MAPK8IP3: variants seen among roughly 807,000 people sequenced by gnomAD.
The protein encoded by MAPK8IP3 is mitogen-activated protein kinase 8 interacting protein 3.
Under a neutral mutation model 157.8 loss-of-function variants are expected in MAPK8IP3, and 49 were observed. That is an observed-to-expected ratio of 0.31 (90% CI 0.25 to 0.39). MAPK8IP3 has a LOEUF of 0.39. Ranked by LOEUF, MAPK8IP3 falls within the 10% of genes least tolerant of loss-of-function variation. The probability of loss-of-function intolerance (pLI) is 1.00; values close to 1 mark genes in which losing one functional copy is unlikely to be tolerated. For missense variants in MAPK8IP3, 1,478 were observed against 1,889.4 expected (o/e 0.78, Z 4.04); for synonymous variants, 897 against 777.7 (o/e 1.15, Z -2.55).
intron 1 of MAPK8IP3, among the ~76,000 whole-genome samples, chr16:1,709,091 G>C (rs2037587367): frequency 6.6e-6 from 1 of 152,236 alleles, no homozygotes; most frequent in South Asian, 2.1e-4. Flanking sequence ...AGAAGGCTTA[G>C]TCAGAGATGG....
In MAPK8IP3 at chr16:1,765,058, A is replaced by T; in HGVS notation, c.2326A>T (p.Ile776Phe). 1 of 1,612,326 alleles carries T rather than the reference A, an allele frequency of 6.2e-7. No individual in the cohort carries two copies. Among genetic ancestry groups the T allele is most frequent in the Non-Finnish European group, 8.5e-7 (1 of 1,179,608 alleles). Residue 776 changes from isoleucine to phenylalanine, a missense_variant, in exon 20 of 32, where the codon ATC becomes TTC. Coordinates refer to ENST00000610761, the MANE Select transcript of MAPK8IP3 (RefSeq NM_001318852.2). Reference protein sequence around the residue: ...EMDATSSRVWILTSTLTTSKV... With the variant: ...EMDATSSRVWFLTSTLTTSKV... ...GGACGCCACCTCCAGCCGGGTGTGG[A>T]TCCTGACCAGCACCCTGACCACCAG...
chr16:1,753,424 C>G (rs1237396707), intron 8 of MAPK8IP3, among the ~76,000 whole-genome samples: 2 of 151,510 alleles, frequency 1.3e-5, no homozygotes, highest in Non-Finnish European at 2.9e-5. Context: ...ACCCAGCCCA[C>G]ATACCATTAT....
At chr16:1,722,691 C>G (rs2038606792) in intron 1 of MAPK8IP3, among the ~76,000 whole-genome samples, 1 of 151,806 alleles carries the variant, frequency 6.6e-6, no homozygotes, top group Non-Finnish European at 1.5e-5. Flanking sequence ...ATAGCAAGAC[C>G]CCATCTCAAA....
chr16:1,709,092 T>C (rs2037587558), intron 1 of MAPK8IP3, among the ~76,000 whole-genome samples: 1 of 152,184 alleles, frequency 6.6e-6, no homozygotes, highest in Non-Finnish European at 1.5e-5. Flanking sequence ...GAAGGCTTAG[T>C]CAGAGATGGG....
intron 1 of MAPK8IP3, among the ~76,000 whole-genome samples, chr16:1,716,834 G>A (rs111930477): frequency 2.0e-5 from 3 of 152,162 alleles, no homozygotes; most frequent in South Asian, 2.1e-4. Context: ...TGAGGCAGGC[G>A]GATCACGAGG....
At chr16:1,735,744 C>T (rs1180207999) in intron 4 of MAPK8IP3, among the ~76,000 whole-genome samples, 4 of 131,764 alleles carry the variant, frequency 3.0e-5, no homozygotes, top group Non-Finnish European at 3.1e-5. Context: ...AGAGTGTGAC[C>T]GTCCATGTGA....
At chr16:1,731,273 G>A (rs1596602978) in intron 4 of MAPK8IP3, among the ~76,000 whole-genome samples, 2 of 151,966 alleles carry the variant, frequency 1.3e-5, no homozygotes, top group Admixed American at 6.6e-5. Flanking sequence ...AGGTGGCAGC[G>A]AGCCAAGATT....
rs914327984 is a variant in MAPK8IP3, at chr16:1,724,776, G to A, written c.439+99G>A. ...TGGAGCGCCTTCCACACAAGGGGAC[G>A]AGAGGAAGCCCAGTGGGAGCCTCAG... On this transcript the variant is annotated intron_variant, in intron 2 of 31. Transcript: ENST00000610761. The surrounding 1 kb of genome is among the most constrained non-coding windows in gnomAD (Gnocchi z 4.1). 2.9e-5 allele frequency: 44 copies of A among 1,491,996 alleles called. No individual in the cohort carries two copies. The highest frequency in any genetic ancestry group is 2.4e-4 in the Admixed American group (12 of 49,276). The allele number at this position is 1,491,996 out of a possible 1,614,324, so 92.4% of individuals were successfully genotyped here. A position where few individuals can be genotyped will look rare whatever the true frequency, so the allele number is the denominator to read the frequency against.
intron 4 of MAPK8IP3, among the ~76,000 whole-genome samples, chr16:1,734,280 C>T (rs9931608): frequency 0.13 from 20,419 of 152,264 alleles, 1,692 homozygotes; most frequent in East Asian, 0.27. Context: ...TCCATGGGGG[C>T]GACAGAGGGG....
chr16:1,706,833 G>T lies in MAPK8IP3; in HGVS notation c.318+176G>T, dbSNP rs1318619008. Among the ~76,000 whole-genome samples the T allele has an allele frequency of 1.4e-5, 1 of 71,958 alleles. No homozygotes were observed. The highest frequency in any genetic ancestry group is 5.5e-5 in the African/African-American group (1 of 18,244). 47.2% of individuals were successfully genotyped at this position (71,958 alleles called of 152,430 possible). On this transcript the variant is annotated intron_variant, in intron 1 of 31. Transcript: ENST00000610761. This position sits in a 1 kb window ranked among gnomAD's most constrained non-coding sequence, Gnocchi z 5.1. ...CCTGGACCCCATATCCCCCGCCCCG[G>T]GACTTCCCCACCCCCTCTGCCCGCC... is the stretch of plus-strand genomic sequence containing the variant.
rs753150069 is a variant in MAPK8IP3, at chr16:1,724,657, C to T, written c.419C>T (p.Ala140Val). The T allele has an allele frequency of 6.2e-7, 1 of 1,613,314 alleles. No individual in the cohort carries two copies. Among genetic ancestry groups the T allele is most frequent in the East Asian group, 2.2e-5 (1 of 44,892 alleles). Residue 140 changes from alanine (A) to valine (V), a missense_variant, in exon 2 of 32, where the codon GCC (alanine) becomes GTC (valine). Ala to Val is a moderately conservative substitution (Grantham distance 64). This residue lies in a region of MAPK8IP3 where 65 missense variants were observed against 161.8 expected (regional missense o/e 0.40). Coordinates refer to ENST00000610761, the MANE Select transcript of MAPK8IP3 (RefSeq NM_001318852.2). This position sits in a 1 kb window ranked among gnomAD's most constrained non-coding sequence, Gnocchi z 4.1. ...EFQTRQLELKAKNYADQISRL... is the reference protein window; with the variant it reads ...EFQTRQLELKVKNYADQISRL... ...CAGACGCGCCAGCTGGAGCTGAAGG[C>T]CAAGAACTATGCCGATCAGAGTAAG...
chr16:1,739,472 CCGTCCG>C (rs1567172877), intron 4 of MAPK8IP3, among the ~76,000 whole-genome samples: 4 of 105,666 alleles, frequency 3.8e-5, no homozygotes, highest in East Asian at 3.6e-4. Flanking sequence ...TTCCGTGTGA[CCGTCCG>C]TGTGAGCATG....
At position 1,729,418 on chromosome 16, in the gene MAPK8IP3, C is replaced by G. The variant is rs1160592300; in HGVS notation, c.511-69C>G. 3 of 1,472,876 alleles carry G rather than the reference C, an allele frequency of 2.0e-6. No homozygotes were observed. In the East Asian group the frequency reaches 6.9e-5, roughly 34 times the overall value. The allele number at this position is 1,472,876 out of a possible 1,614,324, so 91.2% of individuals were successfully genotyped here. A position where few individuals can be genotyped will look rare whatever the true frequency, so the allele number is the denominator to read the frequency against. On this transcript the variant is annotated intron_variant, in intron 3 of 31. Coordinates refer to ENST00000610761, the MANE Select transcript of MAPK8IP3 (RefSeq NM_001318852.2). Reference sequence around the variant, plus strand: ...GCCTGCACAGGGCAGCCGGAAAAGCCTCACAGGTTAGAGGGGACGGAGACA... The same window carrying G: ...GCCTGCACAGGGCAGCCGGAAAAGCGTCACAGGTTAGAGGGGACGGAGACA...
In MAPK8IP3 at chr16:1,766,624, T is replaced by C. The variant is rs556643239; in HGVS notation, c.2915T>C (p.Met972Thr). The change falls in exon 23 of 32, where the codon ATG (methionine) becomes ACG (threonine). Residue 972 changes from methionine (M) to threonine (T), a missense_variant. By Grantham distance (81) the Met-to-Thr change is moderately conservative. Transcript: ENST00000610761. ...TGAGSSAAPT[M>T]WLGAQNGWLY... Reference sequence around the variant, plus strand: ...GCAGGCAGCAGTGCTGCACCCACCATGTGGCTGGGAGCCCAGAACGGCTGG... The same window carrying C: ...GCAGGCAGCAGTGCTGCACCCACCACGTGGCTGGGAGCCCAGAACGGCTGG... 10 of 1,612,422 alleles carry C rather than the reference T, an allele frequency of 6.2e-6. No individual in the cohort carries two copies. The highest frequency in any genetic ancestry group is 7.6e-6 in the Non-Finnish European group (9 of 1,179,834).
At chr16:1,709,670 G>A (rs1386054521) in intron 1 of MAPK8IP3, among the ~76,000 whole-genome samples, 5 of 152,248 alleles carry the variant, frequency 3.3e-5, no homozygotes, top group Admixed American at 6.5e-5. Flanking sequence ...AGCTGAACGG[G>A]GTGGGGGCTG....
chr16:1,761,893 G>A (rs934570626), intron 13 of MAPK8IP3, among the ~76,000 whole-genome samples: 5 of 152,188 alleles, frequency 3.3e-5, no homozygotes, highest in African/African-American at 4.8e-5. Flanking sequence ...GGTGCCTCCC[G>A]GGGACTCACC....
intron 1 of MAPK8IP3, among the ~76,000 whole-genome samples, chr16:1,722,320 T>C (rs905464222): frequency 6.6e-6 from 1 of 152,204 alleles, no homozygotes; most frequent in African/African-American, 2.4e-5. Context: ...TGTGGTTTTC[T>C]GCCCTCTCAG....
chr16:1,764,136 G>A lies in MAPK8IP3; in HGVS notation c.2047G>A (p.Glu683Lys), dbSNP rs1348216621. The A allele has an allele frequency of 6.2e-7, 1 of 1,610,716 alleles. No individual in the cohort carries two copies. Among genetic ancestry groups the A allele is most frequent in the East Asian group, 2.2e-5 (1 of 44,846 alleles). The change falls in exon 18 of 32, where the codon GAG (glutamate) becomes AAG (lysine). Residue 683 changes from glutamate (E) to lysine (K), a missense_variant. Around this residue, in one of 11 missense-constraint regions of MAPK8IP3, gnomAD observed 669 missense variants for 759.8 expected, o/e 0.88. Transcript: ENST00000610761. The stretch of plus-strand genomic sequence containing the variant: ...GCAGCTGAGTCCCAACGGGGGCCAG[G>A]AGGACACGCGGATGAAGAACGTGCC... ...YKQLSPNGGQ[E>K]DTRMKNVPVP...
intron 12 of MAPK8IP3, among the ~76,000 whole-genome samples, chr16:1,760,943 G>A (rs2041898440): frequency 6.6e-6 from 1 of 152,182 alleles, no homozygotes; most frequent in South Asian, 2.1e-4. Flanking sequence ...CAAAGCCAGG[G>A]CCCCTCTGCT....
Sources: gnomAD v4.1 joint callset for allele counts (sites outside exome capture counted in the v4.1 genomes callset) on GRCh38, gnomAD v4.1.1 for gene constraint, gnomAD v4.1.1 regional missense constraint, Gnocchi (gnomAD v3.1) non-coding constraint, MANE v1.5 for transcripts, NCBI Gene and HGNC (gene_info 2026-07-23, HGNC 2026-07-21) for gene names.